Variants in GRM7 observed in about 807,000 individuals in gnomAD.
The protein encoded by GRM7 is glutamate metabotropic receptor 7.
In GRM7, 35 loss-of-function variants were observed where a neutral mutation model predicts 84.5. That is an observed-to-expected ratio of 0.41 (90% confidence interval 0.32 to 0.55). The LOEUF (loss-of-function observed/expected upper bound fraction) is 0.55, where lower values mean the gene tolerates loss of function less well. Ranked by LOEUF, GRM7 falls within the 20% of genes least tolerant of loss-of-function variation. The pLI is 0.19. For synonymous variants in GRM7, 487 were observed against 455.1 expected, an observed-to-expected ratio of 1.07 and a Z score of -0.89; for missense variants, 1,003 against 1,194.6, an observed-to-expected ratio of 0.84 and a Z score of 2.36.
At chr3:7,667,286 G>A (rs1361473567) in intron 8 of GRM7, among the ~76,000 whole-genome samples, 8 of 143,348 alleles carry the variant, frequency 5.6e-5, no homozygotes, top group South Asian at 2.2e-4. Flanking sequence ...AAAAAAGAGA[G>A]AGAGAGAGAG....
intron 2 of GRM7, among the ~76,000 whole-genome samples, chr3:7,165,752 G>C (rs537742684): frequency 6.6e-6 from 1 of 152,128 alleles, no homozygotes; most frequent in Non-Finnish European, 1.5e-5. Context: ...ATATATTGCT[G>C]TTGCACTTTT....
intron 1 of GRM7, among the ~76,000 whole-genome samples, chr3:6,882,004 A>G (rs1402411770): frequency 2.6e-5 from 4 of 151,788 alleles, no homozygotes; most frequent in African/African-American, 9.7e-5. Context: ...ATATAGATAA[A>G]TCCAACTGTG....
In GRM7 at chr3:6,946,435, C is replaced by G. The variant is rs542951723; in HGVS notation, c.519+84528C>G. ...TTGGTCTATATCTCTGTTTTGGTAC[C>G]AGTACCATGCTGTTTTGGTTACTGT... On this transcript the variant is annotated intron_variant, in intron 1 of 9. Transcript: ENST00000357716. Among the ~76,000 whole-genome samples, 3 of 152,248 alleles carry G rather than the reference C, an allele frequency of 2.0e-5. No homozygotes were observed. In the South Asian group the frequency reaches 6.2e-4, roughly 32 times the overall value.
chr3:7,455,129 G>T (rs947860906), intron 6 of GRM7, among the ~76,000 whole-genome samples: 1 of 152,088 alleles, frequency 6.6e-6, no homozygotes, highest in Non-Finnish European at 1.5e-5. Flanking sequence ...GACCCCAGTG[G>T]ATTATAACTC....
In GRM7 at chr3:7,097,027, T is replaced by G. The variant is rs150490026; in HGVS notation, c.520-49425T>G. On this transcript the variant is annotated intron_variant, in intron 1 of 9. Coordinates refer to ENST00000357716, the MANE Select transcript of GRM7 (RefSeq NM_000844.4). The stretch of plus-strand genomic sequence containing the variant: ...TGATTAATAATAAACACAAAATGCC[T>G]AAATATGAAACAGTTGAGGATACAA... Among the ~76,000 whole-genome samples the G allele has an allele frequency of 2.0e-3, 311 of 152,236 alleles. 1 individual carries two copies. The highest frequency in any genetic ancestry group is 3.4e-3 in the Middle Eastern group (1 of 294).
intron 7 of GRM7, among the ~76,000 whole-genome samples, chr3:7,540,932 T>A (rs1692843996): frequency 1.3e-5 from 2 of 152,082 alleles, no homozygotes; most frequent in Non-Finnish European, 2.9e-5. Context: ...AACATAATAT[T>A]CATTAGAAGA....
chr3:7,491,128 G>A (rs1699502464), intron 7 of GRM7, among the ~76,000 whole-genome samples: 1 of 151,796 alleles, frequency 6.6e-6, no homozygotes, highest in Admixed American at 6.6e-5. Flanking sequence ...AGTTTCATGA[G>A]GGTAGAGGTT....
chr3:7,205,032 C>T (rs764078284), intron 2 of GRM7, among the ~76,000 whole-genome samples: 24 of 152,118 alleles, frequency 1.6e-4, no homozygotes, highest in Non-Finnish European at 2.2e-4. Flanking sequence ...TACAGAAGGA[C>T]GGTAGCAGTG....
intron 1 of GRM7, among the ~76,000 whole-genome samples, chr3:7,014,873 G>T (rs1695503936): frequency 6.6e-6 from 1 of 152,126 alleles, no homozygotes; most frequent in South Asian, 2.1e-4. Context: ...CTTACAAGAG[G>T]ATTGTAAAAT....
chr3:7,314,962 G>A (rs1344944725), intron 4 of GRM7, among the ~76,000 whole-genome samples: 1 of 151,614 alleles, frequency 6.6e-6, no homozygotes, highest in Non-Finnish European at 1.5e-5. Flanking sequence ...TTTGTTTAGT[G>A]ACTTTTCCAT....
intron 4 of GRM7, among the ~76,000 whole-genome samples, chr3:7,319,175 G>A (rs1050263639): frequency 1.3e-5 from 2 of 152,046 alleles, no homozygotes; most frequent in South Asian, 2.1e-4. Flanking sequence ...TAATGTCAGA[G>A]GATGGATCGT....
rs1034238453 is a variant in GRM7, at chr3:7,635,618, G to A, written c.2452-44431G>A. Among the ~76,000 whole-genome samples the A allele has an allele frequency of 9.2e-5, 14 of 152,216 alleles. 1 individual carries two copies. In the South Asian group the frequency reaches 1.5e-3, roughly 16 times the overall value. On this transcript the variant is annotated intron_variant, in intron 8 of 9. Coordinates refer to ENST00000357716, the MANE Select transcript of GRM7 (RefSeq NM_000844.4). Reference sequence around the variant, plus strand: ...GAGTTGTTCCACTGATCTGAGGCCCGCAGTCCTCTATCGAACACTTCTCTG... The same window carrying A: ...GAGTTGTTCCACTGATCTGAGGCCCACAGTCCTCTATCGAACACTTCTCTG...
At chr3:7,523,646 T>C (rs1258680380) in intron 7 of GRM7, among the ~76,000 whole-genome samples, 1 of 152,140 alleles carries the variant, frequency 6.6e-6, no homozygotes, top group Non-Finnish European at 1.5e-5. Context: ...CTGACAATGA[T>C]ATCATCAAGA....
chr3:7,039,796 G>GT (rs1235499576), intron 1 of GRM7, among the ~76,000 whole-genome samples: 2 of 152,084 alleles, frequency 1.3e-5, no homozygotes, highest in African/African-American at 2.4e-5. Context: ...TTGCCGATCG[G>GT]TTTTTTTGTA....
chr3:6,994,262 T>C (rs1694752580), intron 1 of GRM7, among the ~76,000 whole-genome samples: 2 of 152,270 alleles, frequency 1.3e-5, no homozygotes, highest in South Asian at 2.1e-4. Context: ...GAGACTTTGA[T>C]GGTGAAGGAG....
intron 1 of GRM7, among the ~76,000 whole-genome samples, chr3:7,026,417 A>C (rs1010820730): frequency 6.6e-6 from 1 of 152,198 alleles, no homozygotes; most frequent in Non-Finnish European, 1.5e-5. Context: ...GGTCCCCATC[A>C]CTTACTCTTG....
chr3:6,884,307 G>A (rs1470323835), intron 1 of GRM7: 10 of 152,580 alleles, frequency 6.6e-5, no homozygotes, highest in African/African-American at 2.4e-4. Flanking sequence ...GCCTCATCAG[G>A]TAGTTAATTT....
intron 4 of GRM7, among the ~76,000 whole-genome samples, chr3:7,396,964 C>A (rs80338237): frequency 0.01 from 1,595 of 152,020 alleles, 25 homozygotes; most frequent in African/African-American, 0.035. Context: ...ACCCCAGGAG[C>A]CTTTCTTGTG....
intron 9 of GRM7, 81 bp from the exon 10 acceptor site, chr3:7,740,276 C>G: frequency 1.1e-6 from 1 of 899,284 alleles, no homozygotes; most frequent in South Asian, 1.5e-5. Context: ...CTTTGCACCT[C>G]AAGTGAAAAG....
Sources: gnomAD v4.1 joint callset for allele counts (sites outside exome capture counted in the v4.1 genomes callset) on GRCh38, gnomAD v4.1.1 for gene constraint, MANE v1.5 for transcripts, NCBI Gene and HGNC (gene_info 2026-07-23, HGNC 2026-07-21) for gene names.